The following ELMOD3 variants were observed in gnomAD, a reference collection of about 807,000 sequenced individuals.
ELMOD3 encodes ELMO domain-containing protein 3.
Under a neutral mutation model 47.4 loss-of-function variants are expected in ELMOD3, and 36 were observed. That is an observed-to-expected ratio of 0.76 (90% CI 0.58 to 1.00). The LOEUF is 1.00. Ranked by LOEUF, ELMOD3 falls within the 50% of genes least tolerant of loss-of-function variation. The probability of loss-of-function intolerance (pLI) is 0.00; values close to 1 mark genes in which losing one functional copy is unlikely to be tolerated. For synonymous variants in ELMOD3, 149 were observed against 183.5 expected, an observed-to-expected ratio of 0.81 and a Z score of 1.52; for missense variants, 404 against 463.8, an observed-to-expected ratio of 0.87 and a Z score of 1.18.
In ELMOD3 at chr2:85,362,196, T is replaced by G. The variant is rs200958263; in HGVS notation, c.65T>G (p.Leu22Trp). Reference protein sequence around the residue: ...EELRDGQGERLSAGYSPSYDK... With the variant: ...EELRDGQGERWSAGYSPSYDK... ...TTGTCTGTTTTACAGGGTGAAAGATTGTCTGCTGGATATTCTCCATCATAT... is the reference window on the plus strand; with the variant it reads ...TTGTCTGTTTTACAGGGTGAAAGATGGTCTGCTGGATATTCTCCATCATAT... Residue 22 changes from leucine (L) to tryptophan (W), a missense_variant, in exon 5 of 14, where the codon TTG becomes TGG. Leu to Trp is a moderately conservative substitution (Grantham distance 61, BLOSUM62 -2). Transcript: ENST00000409013. The G allele has an allele frequency of 6.3e-7, 1 of 1,596,060 alleles. No homozygotes were observed. Among genetic ancestry groups the G allele is most frequent in the Non-Finnish European group, 8.6e-7 (1 of 1,163,626 alleles).
At chr2:85,371,946 G>A (rs1684823325) in intron 10 of ELMOD3, 1 of 200,168 alleles carries the variant, frequency 5.0e-6, no homozygotes, top group East Asian at 1.4e-4. Context: ...TGAGGTAGGT[G>A]GATCACGAGG....
intron 4 of ELMOD3, among the ~76,000 whole-genome samples, chr2:85,360,234 C>G (rs1273920691): frequency 6.9e-6 from 1 of 145,736 alleles, no homozygotes; most frequent in African/African-American, 2.6e-5. Context: ...CCATTGCACT[C>G]CAGCCTGGGC....
At chr2:85,366,958 G>A (rs1034578742) in intron 6 of ELMOD3, among the ~76,000 whole-genome samples, 1 of 152,190 alleles carries the variant, frequency 6.6e-6, no homozygotes, top group Non-Finnish European at 1.5e-5. Context: ...AACCGGAAAA[G>A]TCAGTGACAG....
intron 6 of ELMOD3, 22 bp from the exon 7 acceptor site, chr2:85,368,664 T>C: frequency 3.7e-6 from 6 of 1,613,444 alleles, no homozygotes; most frequent in Non-Finnish European, 4.2e-6. Context: ...TCAGAGGGTC[T>C]CCTTTTCTCC....
chr2:85,363,405 T>C (rs1052530031), intron 6 of ELMOD3, among the ~76,000 whole-genome samples: 1 of 152,240 alleles, frequency 6.6e-6, no homozygotes, highest in African/African-American at 2.4e-5. Context: ...ATCTCTAATA[T>C]TAGTACCTCC....
chr2:85,391,043 AG>A lies in ELMOD3; in HGVS notation c.*83del. On this transcript the variant is annotated 3_prime_UTR_variant, in exon 14 of 14. Transcript: ENST00000409013. ...GTGGAGCCATGTCAGGAGCCTGGCC[AG>A]GCCGCACCCCTTGCTGTCTCAGCAG... 1 of 1,367,252 alleles carries A rather than the reference AG, an allele frequency of 7.3e-7. No individual in the cohort carries two copies. 84.7% of individuals were successfully genotyped at this position (1,367,252 alleles called of 1,614,324 possible). A position where few individuals can be genotyped will look rare whatever the true frequency, so the allele number is the denominator to read the frequency against.
intron 3 of ELMOD3, chr2:85,356,132 C>T (rs928628626): frequency 6.6e-6 from 1 of 152,274 alleles, no homozygotes; most frequent in Non-Finnish European, 1.5e-5. Context: ...CCTTGTCCAG[C>T]CCTTTTCCTG....
chr2:85,390,297 G>A (rs2104757742), intron 13 of ELMOD3, 32 bp downstream of exon 13: 1 of 1,614,160 alleles, frequency 6.2e-7, no homozygotes, highest in Non-Finnish European at 8.5e-7. Context: ...GGCCTAGGCT[G>A]AATGCACAGT....
chr2:85,364,878 T>C (rs1355377142), intron 6 of ELMOD3, among the ~76,000 whole-genome samples: 9 of 141,402 alleles, frequency 6.4e-5, no homozygotes, highest in Non-Finnish European at 1.4e-4. Context: ...CACTCTGTTG[T>C]CCAGGCTGAA....
intron 10 of ELMOD3, among the ~76,000 whole-genome samples, chr2:85,375,082 CA>C (rs777757339): frequency 0.011 from 1,434 of 134,680 alleles, 19 homozygotes; most frequent in East Asian, 0.067. Context: ...GATTCCATCT[CA>C]AAAAAAAAAA....
chr2:85,365,143 A>G (rs1040238385), intron 6 of ELMOD3, among the ~76,000 whole-genome samples: 1 of 150,436 alleles, frequency 6.6e-6, no homozygotes. Flanking sequence ...AAAAGTAAAA[A>G]ATAAATGTAG....
intron 6 of ELMOD3, among the ~76,000 whole-genome samples, chr2:85,367,906 C>A (rs1684506091): frequency 6.6e-6 from 1 of 150,454 alleles, no homozygotes; most frequent in African/African-American, 2.4e-5. Flanking sequence ...TCGGATCTTA[C>A]TTTTCTTTTC....
At position 85,371,185 on chromosome 2, in the gene ELMOD3, G is replaced by GACTT; in HGVS notation, c.461_464dup (p.Val156LeufsTer12). On this transcript the variant is annotated frameshift_variant, in exon 9 of 14. Coordinates refer to ENST00000409013, the MANE Select transcript of ELMOD3 (RefSeq NM_001135022.2). LOFTEE classifies it high-confidence loss of function. The stretch of plus-strand genomic sequence containing the variant: ...CCACCAGCGCCTTCGGGAAGAAAGG[G>GACTT]ACTTGGTCCTGACCATTGCTCAGTG... The GACTT allele has an allele frequency of 1.2e-6, 2 of 1,614,266 alleles. No individual in the cohort carries two copies. The highest frequency in any genetic ancestry group is 8.5e-7 in the Non-Finnish European group (1 of 1,180,048).
chr2:85,389,906 C>A, intron 12 of ELMOD3, 79 bp downstream of exon 12: 3 of 1,358,358 alleles, frequency 2.2e-6, no homozygotes, highest in Non-Finnish European at 2.1e-6. Context: ...TTTTCCCCAG[C>A]TCTACTCCAC....
chr2:85,379,761 C>T (rs1573134021), intron 11 of ELMOD3, among the ~76,000 whole-genome samples: 3 of 152,058 alleles, frequency 2.0e-5, no homozygotes, highest in African/African-American at 7.2e-5. Flanking sequence ...TTCACATAGG[C>T]TTTTTTTAAA....
intron 6 of ELMOD3, among the ~76,000 whole-genome samples, chr2:85,364,825 ATTTTTT>A (rs869054374): frequency 2.7e-4 from 19 of 69,888 alleles, no homozygotes; most frequent in South Asian, 4.8e-4. Context: ...ATATATATAT[ATTTTTT>A]TTTTTTTTTT....
chr2:85,356,914 CTGAA>C (rs1683608187), intron 3 of ELMOD3, 49 bp from the exon 4 acceptor site: 1 of 239,428 alleles, frequency 4.2e-6, no homozygotes, highest in Non-Finnish European at 7.9e-6. Flanking sequence ...AGAGGCATAA[CTGAA>C]TGGTGAAACC....
In ELMOD3 at chr2:85,376,554, C is replaced by G. The variant is rs1685178843; in HGVS notation, c.608-790C>G. 6.6e-6 allele frequency among the ~76,000 whole-genome samples: 1 copy of G among 152,198 alleles called. No homozygotes were observed. On this transcript the variant is annotated intron_variant, in intron 10 of 13. Transcript: ENST00000409013. The surrounding 1 kb of genome is among the most constrained non-coding windows in gnomAD (Gnocchi z 4.2). ...TCCTTACCACTGGGAAAGATAAAGT[C>G]CCAGCTCCCTGCCCGGCCTTCTCTG...
chr2:85,391,018 G>C lies in ELMOD3; in HGVS notation c.*56G>C. 7.6e-7 allele frequency: 1 copy of C among 1,316,732 alleles called. No homozygotes were observed. The highest frequency in any genetic ancestry group is 1.0e-6 in the Non-Finnish European group (1 of 956,304). The allele number at this position is 1,316,732 out of a possible 1,614,324, so 81.6% of individuals were successfully genotyped here. On this transcript the variant is annotated 3_prime_UTR_variant, in exon 14 of 14. Coordinates refer to ENST00000409013, the MANE Select transcript of ELMOD3 (RefSeq NM_001135022.2). ...AGCTGCAGGGGCTTTCAGGGGGTCA[G>C]TGGAGCCATGTCAGGAGCCTGGCCA...
Sources: allele counts gnomAD v4.1 joint callset (sites outside exome capture counted in the v4.1 genomes callset), GRCh38; gene constraint gnomAD v4.1.1; non-coding constraint Gnocchi (gnomAD v3.1); transcripts MANE v1.5; gene names NCBI Gene and HGNC (gene_info 2026-07-23, HGNC 2026-07-21).